CLVS2: variants seen among roughly 807,000 people sequenced by gnomAD.
CLVS2 encodes the protein clavesin-2.
CLVS2 carries 19 observed loss-of-function variants against 29.0 expected under a neutral mutation model. The ratio of observed to expected loss-of-function variants is 0.66; its 90% CI spans 0.46 to 0.96. The LOEUF is 0.96. Among genes scored for constraint, CLVS2 ranks in the 40% least tolerant of loss-of-function variants. CLVS2 has a pLI of 0.00. For synonymous variants in CLVS2, 161 were observed against 151.3 expected (o/e 1.06, Z -0.47); for missense variants, 294 against 404.1 (o/e 0.73, Z 2.34).
intron 3 of CLVS2, among the ~76,000 whole-genome samples, chr6:123,017,318 G>A (rs1300547649): frequency 6.6e-6 from 1 of 152,056 alleles, no homozygotes; most frequent in African/African-American, 2.4e-5. Context: ...TAAGCTTAAG[G>A]CAGCATTATG....
In CLVS2 at chr6:123,023,448, A is replaced by C. The variant is rs1774952713; in HGVS notation, c.564+12289A>C. ...AAGCTTCTGTGTTGGTATTAAGAAT[A>C]GAATTATCCCCTCCCTTTTCTTTTC... On this transcript the variant is annotated intron_variant, in intron 3 of 5. Coordinates refer to ENST00000275162, the MANE Select transcript of CLVS2 (RefSeq NM_001010852.4). 3.9e-5 allele frequency among the ~76,000 whole-genome samples: 6 copies of C among 152,062 alleles called. 1 individual carries two copies. In the South Asian group the frequency reaches 1.2e-3, roughly 32 times the overall value.
intron 3 of CLVS2, among the ~76,000 whole-genome samples, chr6:123,035,798 G>A (rs1775145454): frequency 6.6e-6 from 1 of 152,052 alleles, no homozygotes; most frequent in Non-Finnish European, 1.5e-5. Flanking sequence ...TTGAAGCTAG[G>A]GAGGTCTCTT....
chr6:123,055,222 C>T (rs575726913), intron 4 of CLVS2, among the ~76,000 whole-genome samples: 1 of 152,296 alleles, frequency 6.6e-6, no homozygotes, highest in South Asian at 2.1e-4. Flanking sequence ...ACATGAACTT[C>T]ACTCAGCCTT....
In CLVS2 at chr6:122,998,575, G is replaced by GTCATCA. The variant is rs984472335; in HGVS notation, c.389+424_389+429dup. On this transcript the variant is annotated intron_variant, in intron 2 of 5. Coordinates refer to ENST00000275162, the MANE Select transcript of CLVS2 (RefSeq NM_001010852.4). ...TTCTTAAACTAGACCCATCATCATT[G>GTCATCA]TCATCATCATCATCATCATCCTCTC... 6.6e-5 allele frequency among the ~76,000 whole-genome samples: 10 copies of GTCATCA among 152,088 alleles called. 1 individual carries two copies. The highest frequency in any genetic ancestry group is 1.3e-4 in the Admixed American group (2 of 15,272).
At chr6:123,048,078 TA>T (rs1300356435) in intron 3 of CLVS2, among the ~76,000 whole-genome samples, 1 of 152,174 alleles carries the variant, frequency 6.6e-6, no homozygotes, top group Non-Finnish European at 1.5e-5. Context: ...TTAAGCATGT[TA>T]CTTTCTTGTA....
At position 123,065,884 on chromosome 6, in the gene CLVS2, T is replaced by G. The variant is rs1306482328; in HGVS notation, c.*2123T>G. Reference sequence around the variant, plus strand: ...GCAGCTTCTTTCCCCTATCGTAAAGTTAGTGTCATATATAAAAATAACTAG... The same window carrying G: ...GCAGCTTCTTTCCCCTATCGTAAAGGTAGTGTCATATATAAAAATAACTAG... On this transcript the variant is annotated 3_prime_UTR_variant, in exon 6 of 6. Coordinates refer to ENST00000275162, the MANE Select transcript of CLVS2 (RefSeq NM_001010852.4). The G allele has an allele frequency of 2.0e-5, 3 of 151,712 alleles. No homozygotes were observed. The highest frequency in any genetic ancestry group is 4.4e-5 in the Non-Finnish European group (3 of 67,730). The allele number at this position is 151,712 out of a possible 1,614,324, so 9.4% of individuals were successfully genotyped here.
intron 5 of CLVS2, among the ~76,000 whole-genome samples, chr6:123,063,437 T>C (rs1772807939): frequency 6.6e-6 from 1 of 152,136 alleles, no homozygotes; most frequent in African/African-American, 2.4e-5. Flanking sequence ...CTATTTAGAA[T>C]CATTGGCGGC....
intron 3 of CLVS2, among the ~76,000 whole-genome samples, chr6:123,025,895 G>A (rs1033127269): frequency 2.6e-5 from 4 of 151,988 alleles, no homozygotes; most frequent in Non-Finnish European, 1.5e-5. Context: ...ATCACTCCCT[G>A]ATAAAATTTC....
chr6:123,062,684 C>T (rs1184945257), intron 5 of CLVS2, among the ~76,000 whole-genome samples: 2 of 151,886 alleles, frequency 1.3e-5, no homozygotes, highest in East Asian at 1.9e-4. Context: ...TAATTAGTTC[C>T]GTTGCTGTTC....
intron 3 of CLVS2, among the ~76,000 whole-genome samples, chr6:123,017,347 G>C (rs979333346): frequency 6.6e-6 from 1 of 152,066 alleles, no homozygotes; most frequent in Admixed American, 6.6e-5. Flanking sequence ...ATGGGAGGGG[G>C]CTGAAGCAAT....
rs144488322 is a variant in CLVS2 at position 123,062,081 on chromosome 6, T to C, written c.897-1593T>C. ...TTGTATTCACAATAAGGAAAGAAAC[T>C]GATAAAGTCCCTGCTTATGGAACTT... On this transcript the variant is annotated intron_variant, in intron 5 of 5. Coordinates refer to ENST00000275162, the MANE Select transcript of CLVS2 (RefSeq NM_001010852.4). Among the ~76,000 whole-genome samples the C allele has an allele frequency of 2.6e-3, 395 of 152,262 alleles. 1 individual carries two copies. The highest frequency in any genetic ancestry group is 8.7e-3 in the African/African-American group (361 of 41,544).
rs1433307200 is a variant in CLVS2 at position 123,068,581 on chromosome 6, T to C, written c.*4820T>C. 6.6e-6 allele frequency: 1 copy of C among 151,772 alleles called. No individual in the cohort carries two copies. Among genetic ancestry groups the C allele is most frequent in the East Asian group, 1.9e-4 (1 of 5,198 alleles). 9.4% of individuals were successfully genotyped at this position (151,772 alleles called of 1,614,324 possible). On this transcript the variant is annotated 3_prime_UTR_variant, in exon 6 of 6. Transcript: ENST00000275162. ...TCAATTTTTCAGATTTTATATTTGC[T>C]TAAACAATAAATAAAACTCAGAAAA...
chr6:123,027,913 A>G (rs541681893), intron 3 of CLVS2, among the ~76,000 whole-genome samples: 29 of 152,336 alleles, frequency 1.9e-4, no homozygotes, highest in African/African-American at 7.0e-4. Flanking sequence ...TGTGTTTATT[A>G]TATTAATGTA....
intron 5 of CLVS2, among the ~76,000 whole-genome samples, chr6:123,061,742 A>G (rs1414598636): frequency 6.6e-6 from 1 of 152,242 alleles, no homozygotes; most frequent in Admixed American, 6.5e-5. Flanking sequence ...TAGAATGTGT[A>G]TATGTGAGCA....
chr6:123,051,203 G>A (rs906994839), intron 4 of CLVS2, among the ~76,000 whole-genome samples: 1 of 152,118 alleles, frequency 6.6e-6, no homozygotes, highest in African/African-American at 2.4e-5. Flanking sequence ...GGAAGCAGTT[G>A]TGAATCTTTT....
At chr6:123,048,145 AG>A (rs1453425346) in intron 3 of CLVS2, among the ~76,000 whole-genome samples, 2 of 152,114 alleles carry the variant, frequency 1.3e-5, no homozygotes, top group African/African-American at 4.8e-5. Context: ...AATAAGATAA[AG>A]AGAATAAAAT....
intron 3 of CLVS2, among the ~76,000 whole-genome samples, chr6:123,048,251 A>G (rs1170904928): frequency 6.6e-6 from 1 of 151,848 alleles, no homozygotes; most frequent in African/African-American, 2.4e-5. Flanking sequence ...ATAAATATAA[A>G]TAATTTAAAT....
At chr6:123,000,756 G>A (rs1156408023) in intron 2 of CLVS2, among the ~76,000 whole-genome samples, 1 of 152,186 alleles carries the variant, frequency 6.6e-6, no homozygotes, top group Non-Finnish European at 1.5e-5. Flanking sequence ...AAGACTGCAT[G>A]TCTGAAAATA....
chr6:123,054,082 C>T (rs951657361), intron 4 of CLVS2, among the ~76,000 whole-genome samples: 2 of 152,010 alleles, frequency 1.3e-5, no homozygotes, highest in African/African-American at 2.4e-5. Flanking sequence ...GAGGAAGTAG[C>T]GTGCTAGGAT....
Sources: allele counts gnomAD v4.1 joint callset (sites outside exome capture counted in the v4.1 genomes callset), GRCh38; gene constraint gnomAD v4.1.1; transcripts MANE v1.5; gene names NCBI Gene and HGNC (gene_info 2026-07-23, HGNC 2026-07-21).